The following FEZ2 variants were observed in gnomAD, a reference collection of about 807,000 sequenced individuals.
FEZ2 encodes fasciculation and elongation protein zeta 2, also known as fasciculation and elongation protein zeta-2.
A neutral mutation model predicts 40.4 loss-of-function variants in FEZ2; 51 were observed. The observed-to-expected ratio is 1.26, with a 90% confidence interval of 1.01 to 1.59. The LOEUF (loss-of-function observed/expected upper bound fraction) is 1.59, where lower values mean the gene tolerates loss of function less well. Among genes scored for constraint, FEZ2 ranks in the 40% most tolerant of loss-of-function variants. The pLI, the probability that FEZ2 is intolerant of heterozygous loss-of-function variation, is 0.00. For synonymous variants in FEZ2, 242 were observed against 172.0 expected (o/e 1.41, Z -3.18); for missense variants, 640 against 438.3 (o/e 1.46, Z -4.11).
chr2:36,578,795 G>A lies in FEZ2; in HGVS notation c.705C>T (p.Tyr235=), dbSNP rs1668651317. ...LEEIETAIKE[Y]SEELVQQLAL... Reference sequence around the variant, plus strand: ...CCAACTGCTGCACCAGCTCCTCAGAGTACTCCTTAATGGCAGTCTCAATTT... The same window carrying A: ...CCAACTGCTGCACCAGCTCCTCAGAATACTCCTTAATGGCAGTCTCAATTT... Residue 235 remains tyrosine, a synonymous_variant, in exon 5 of 8, where the codon TAC becomes TAT. Transcript: ENST00000405912. The A allele has an allele frequency of 3.7e-6, 6 of 1,613,726 alleles. No individual in the cohort carries two copies. In the East Asian group the frequency reaches 6.7e-5, roughly 18 times the overall value.
At chr2:36,559,522 A>T (rs1668037586) in intron 5 of FEZ2, among the ~76,000 whole-genome samples, 1 of 152,372 alleles carries the variant, frequency 6.6e-6, no homozygotes, top group East Asian at 1.9e-4. Flanking sequence ...CCCTAAGTCC[A>T]GAAAAGTGGT....
At chr2:36,553,644 G>A (rs1667880200) in intron 7 of FEZ2, among the ~76,000 whole-genome samples, 1 of 152,142 alleles carries the variant, frequency 6.6e-6, no homozygotes, top group Non-Finnish European at 1.5e-5. Flanking sequence ...TTAGGCAGGT[G>A]CGAGAAAGAG....
At chr2:36,596,602 C>T (rs1457873302) in intron 1 of FEZ2, among the ~76,000 whole-genome samples, 4 of 152,046 alleles carry the variant, frequency 2.6e-5, no homozygotes, top group Admixed American at 2.6e-4. Context: ...TCCGTGGGAC[C>T]ACGGGCATGC....
intron 1 of FEZ2, among the ~76,000 whole-genome samples, chr2:36,596,242 C>G (rs1669218860): frequency 6.6e-6 from 1 of 152,234 alleles, no homozygotes; most frequent in African/African-American, 2.4e-5. Context: ...TGGGCCTGCA[C>G]CACTGCTCAG....
chr2:36,558,626 G>C lies in FEZ2; in HGVS notation c.904-113C>G, dbSNP rs1572999923. On this transcript the variant is annotated intron_variant, in intron 5 of 7. Transcript: ENST00000405912. The stretch of plus-strand genomic sequence containing the variant: ...GATAATATAAAACACAAGCTACTTT[G>C]GTAATGAAAACACAGGTATTGTATG... 10 of 526,588 alleles carry C rather than the reference G, an allele frequency of 1.9e-5. No homozygotes were observed. The East Asian group carries it at 2.8e-4, about 15-fold the overall frequency. The allele number at this position is 526,588 out of a possible 1,614,324, so 32.6% of individuals were successfully genotyped here.
At chr2:36,585,969 G>A (rs1239323708) in intron 2 of FEZ2, among the ~76,000 whole-genome samples, 1 of 152,204 alleles carries the variant, frequency 6.6e-6, no homozygotes, top group Non-Finnish European at 1.5e-5. Flanking sequence ...GGCCACCTCT[G>A]GTAAGGAGAA....
intron 5 of FEZ2, among the ~76,000 whole-genome samples, chr2:36,562,394 C>G (rs1396737342): frequency 1.3e-5 from 2 of 152,148 alleles, no homozygotes; most frequent in East Asian, 3.8e-4. Context: ...ACTGAGGGAG[C>G]TATGTGCTTC....
chr2:36,590,928 A>C lies in FEZ2; in HGVS notation c.350T>G (p.Leu117Arg). 1 of 1,609,424 alleles carries C rather than the reference A, an allele frequency of 6.2e-7. No homozygotes were observed. Among genetic ancestry groups the C allele is most frequent in the Non-Finnish European group, 8.5e-7 (1 of 1,175,682 alleles). The change falls in exon 2 of 8, where the codon CTT (leucine) becomes CGT (arginine). Residue 117 changes from leucine (L) to arginine (R), a missense_variant. Transcript: ENST00000405912. Reference sequence around the variant, plus strand: ...CCCTTTTTCTGAGAGGTTCAGAGTAAGCAAGTGCAAGGTCCTAGTATGCGA... The same window carrying C: ...CCCTTTTTCTGAGAGGTTCAGAGTACGCAAGTGCAAGGTCCTAGTATGCGA... ...KSSHTRTLHLLTLNLSEKGVS... is the reference protein window; with the variant it reads ...KSSHTRTLHLRTLNLSEKGVS...
intron 2 of FEZ2, among the ~76,000 whole-genome samples, chr2:36,586,558 T>G (rs1465496056): frequency 4.0e-5 from 6 of 148,318 alleles, no homozygotes; most frequent in Non-Finnish European, 8.9e-5. Flanking sequence ...GCCCAGGAGG[T>G]GGAGGTTGCA....
At position 36,578,607 on chromosome 2, in the gene FEZ2, A is replaced by G. The variant is rs1350486621; in HGVS notation, c.893T>C (p.Met298Thr). 2 of 1,612,608 alleles carry G rather than the reference A, an allele frequency of 1.2e-6. No individual in the cohort carries two copies. Among genetic ancestry groups the G allele is most frequent in the South Asian group, 1.1e-5 (1 of 90,798 alleles). Residue 298 changes from methionine to threonine, a missense_variant, in exon 5 of 8, where the codon ATG (methionine) becomes ACG (threonine). Met to Thr is a moderately conservative substitution (Grantham distance 81, BLOSUM62 -1). Coordinates refer to ENST00000405912, the MANE Select transcript of FEZ2 (RefSeq NM_005102.3). The stretch of plus-strand genomic sequence containing the variant: ...CAAAACATCACTTACTGTGCCGGGC[A>G]TATGACTTCTCTCATTCTTCCCATT... ...SQNGKNERSH[M>T]PGTYLTTVIP...
intron 5 of FEZ2, among the ~76,000 whole-genome samples, chr2:36,569,694 G>A (rs1180493182): frequency 1.3e-5 from 2 of 152,154 alleles, no homozygotes; most frequent in East Asian, 1.9e-4. Context: ...ATCCAAGACA[G>A]GGAAAAGCAA....
intron 5 of FEZ2, among the ~76,000 whole-genome samples, chr2:36,571,624 C>T (rs1668414026): frequency 6.6e-6 from 1 of 151,802 alleles, no homozygotes; most frequent in Admixed American, 6.6e-5. Flanking sequence ...CACTGCACTC[C>T]AGCCTGGGCA....
intron 6 of FEZ2, 157 bp from the exon 7 acceptor site, chr2:36,555,905 T>C (rs1442479451): frequency 1.5e-6 from 1 of 674,194 alleles, no homozygotes; most frequent in Admixed American, 2.3e-5. Context: ...GATACAACAA[T>C]AAAGGCCCAA....
chr2:36,570,658 A>G (rs994334506), intron 5 of FEZ2, among the ~76,000 whole-genome samples: 1 of 152,152 alleles, frequency 6.6e-6, no homozygotes, highest in Non-Finnish European at 1.5e-5. Context: ...TGTATAGTCT[A>G]CTCCATACTT....
At chr2:36,587,025 T>C (rs1200194899) in intron 2 of FEZ2, among the ~76,000 whole-genome samples, 1 of 152,136 alleles carries the variant, frequency 6.6e-6, no homozygotes, top group Non-Finnish European at 1.5e-5. Context: ...TAAAGATGCA[T>C]ACAAAAGTCC....
intron 1 of FEZ2, among the ~76,000 whole-genome samples, chr2:36,591,878 C>A (rs1168604741): frequency 6.6e-6 from 1 of 152,158 alleles, no homozygotes; most frequent in East Asian, 1.9e-4. Flanking sequence ...GAAGCAGATA[C>A]TCCTTCCAGC....
At chr2:36,559,933 C>A (rs1668049140) in intron 5 of FEZ2, among the ~76,000 whole-genome samples, 1 of 152,242 alleles carries the variant, frequency 6.6e-6, no homozygotes, top group Non-Finnish European at 1.5e-5. Flanking sequence ...GGAATGATCT[C>A]CCTTCCGGAG....
intron 1 of FEZ2, chr2:36,591,291 C>CA (rs1032623879): frequency 7.5e-5 from 31 of 413,880 alleles, no homozygotes; most frequent in African/African-American, 5.3e-4. Flanking sequence ...AGGTGCTAGG[C>CA]ACTGTTCTAA....
At chr2:36,556,564 C>T (rs546912325) in intron 6 of FEZ2, 1 of 152,370 alleles carries the variant, frequency 6.6e-6, no homozygotes, top group African/African-American at 2.4e-5. Context: ...TCAAATCAGC[C>T]TTCCTGGGTT....
Sources: allele counts gnomAD v4.1 joint callset (sites outside exome capture counted in the v4.1 genomes callset), GRCh38; gene constraint gnomAD v4.1.1; transcripts MANE v1.5; gene names NCBI Gene and HGNC (gene_info 2026-07-23, HGNC 2026-07-21).